Variants in ZMYND11 observed in about 807,000 individuals in gnomAD.
ZMYND11 encodes zinc finger MYND domain-containing protein 11.
A neutral mutation model predicts 84.9 loss-of-function variants in ZMYND11; 9 were observed. The ratio of observed to expected loss-of-function variants is 0.11; its 90% CI spans 0.06 to 0.18. ZMYND11 has a LOEUF of 0.18. Ranked by LOEUF, ZMYND11 falls within the 10% of genes least tolerant of loss-of-function variation. The pLI is 1.00. For missense variants in ZMYND11, 409 were observed against 761.0 expected (o/e 0.54, Z 5.44); for synonymous variants, 250 against 244.1 (o/e 1.02, Z -0.23).
chr10:164,399 A>G (rs922773856), intron 1 of ZMYND11, among the ~76,000 whole-genome samples: 4 of 152,088 alleles, frequency 2.6e-5, no homozygotes, highest in African/African-American at 9.7e-5. Context: ...CAACCTCAAA[A>G]TCTCAGTGGT....
chr10:131,882 A>G (rs1835318992), upstream of ZMYND11, among the ~76,000 whole-genome samples: 1 of 152,144 alleles, frequency 6.6e-6, no homozygotes, highest in African/African-American at 2.4e-5. Flanking sequence ...TGAGCCACAG[A>G]GGGTGGCAGC....
chr10:172,100 CTTTTA>C (rs1291587751), intron 1 of ZMYND11, among the ~76,000 whole-genome samples: 1 of 152,150 alleles, frequency 6.6e-6, no homozygotes, highest in African/African-American at 2.4e-5. Flanking sequence ...TCTGAAGCCT[CTTTTA>C]TAAGGGCATT....
intron 4 of ZMYND11, among the ~76,000 whole-genome samples, chr10:227,322 G>C (rs1376307746): frequency 1.3e-5 from 2 of 152,064 alleles, no homozygotes; most frequent in Non-Finnish European, 2.9e-5. Flanking sequence ...ATGTTTTGCA[G>C]GAAAGTTAAG....
rs1298014886 is a variant in ZMYND11 at position 185,827 on chromosome 10, A to AAAC, written c.116+5700_116+5701insACA. 3.1e-3 allele frequency among the ~76,000 whole-genome samples: 475 copies of AAAC among 150,818 alleles called. 27 individuals carry two copies. The East Asian group carries it at 0.076, about 24-fold the overall frequency. ...AAACTCCGTCTCAAAAAAACAAAAA[A>AAAC]ACAAAAAAACAAAAAAAAAGACGGT... On this transcript the variant is annotated intron_variant, in intron 2 of 14. Transcript: ENST00000381604.
intron 1 of ZMYND11, among the ~76,000 whole-genome samples, chr10:171,363 C>G (rs1845277091): frequency 6.6e-6 from 1 of 152,074 alleles, no homozygotes; most frequent in Admixed American, 6.6e-5. Context: ...AATAGCAGAT[C>G]ACACGTTCTT....
chr10:247,339 T>G, intron 11 of ZMYND11, 59 bp from the exon 12 acceptor site: 1 of 1,581,700 alleles, frequency 6.3e-7, no homozygotes. Flanking sequence ...ATGAGTGTTT[T>G]CAGCAGAGAA....
chr10:235,542 G>A (rs118088467), intron 4 of ZMYND11, among the ~76,000 whole-genome samples: 3,049 of 152,288 alleles, frequency 0.02, 48 homozygotes, highest in Non-Finnish European at 0.033. Flanking sequence ...AAATGAACAA[G>A]CAAATACGAA....
upstream of ZMYND11, among the ~76,000 whole-genome samples, chr10:133,639 C>T (rs1835387599): frequency 6.6e-6 from 1 of 152,162 alleles, no homozygotes; most frequent in African/African-American, 2.4e-5. Context: ...ACCATGCAGT[C>T]CTCTATTTTA....
chr10:219,348 T>G (rs1946733960), intron 3 of ZMYND11, among the ~76,000 whole-genome samples: 1 of 152,188 alleles, frequency 6.6e-6, no homozygotes, highest in Admixed American at 6.5e-5. Flanking sequence ...AAAATTCAAG[T>G]GATGAATGAT....
chr10:159,490 G>A (rs543862226), intron 1 of ZMYND11, among the ~76,000 whole-genome samples: 1 of 152,190 alleles, frequency 6.6e-6, no homozygotes, highest in South Asian at 2.1e-4. Context: ...CTCTAATGAT[G>A]AGATAAATTA....
intron 1 of ZMYND11, among the ~76,000 whole-genome samples, chr10:149,124 G>GA (rs1490609861): frequency 2.0e-5 from 3 of 151,816 alleles, no homozygotes; most frequent in Non-Finnish European, 4.4e-5. Context: ...AATTGACTTT[G>GA]AAAAATACGA....
intron 10 of ZMYND11, among the ~76,000 whole-genome samples, chr10:245,658 C>T (rs1308732568): frequency 2.0e-5 from 3 of 152,212 alleles, no homozygotes; most frequent in African/African-American, 7.2e-5. Flanking sequence ...CTCACATTGT[C>T]TGCTGTCTAA....
intron 1 of ZMYND11, among the ~76,000 whole-genome samples, chr10:145,759 T>A: frequency 6.6e-6 from 1 of 152,276 alleles, no homozygotes; most frequent in East Asian, 1.9e-4. Context: ...TCTTGCTGAT[T>A]TGAGTTCCCT....
At chr10:212,915 A>C (rs1359014230) in intron 3 of ZMYND11, among the ~76,000 whole-genome samples, 1 of 152,162 alleles carries the variant, frequency 6.6e-6, no homozygotes, top group Admixed American at 6.5e-5. Context: ...GTAACTCTAA[A>C]ATAATGAGAC....
In ZMYND11 at chr10:152,141, G is replaced by A. The variant is rs184676172; in HGVS notation, c.-20+16582G>A. Among the ~76,000 whole-genome samples the A allele has an allele frequency of 3.0e-3, 456 of 152,306 alleles. No homozygotes were observed. The Middle Eastern group carries it at 0.031, about 10-fold the overall frequency. ...AAATTGTAAAGACCATCAATGCTAG[G>A]AAGAAACTGCATTAACTAATAAGCA... On this transcript the variant is annotated intron_variant, in intron 1 of 14. Transcript: ENST00000381604.
At chr10:187,700 A>G (rs1939124002) in intron 2 of ZMYND11, among the ~76,000 whole-genome samples, 3 of 152,144 alleles carry the variant, frequency 2.0e-5, no homozygotes, top group Admixed American at 2.0e-4. Context: ...TGGCATGGAA[A>G]ATATTAAAAG....
At chr10:188,712 T>C (rs573056304) in intron 2 of ZMYND11, among the ~76,000 whole-genome samples, 404 of 152,368 alleles carry the variant, frequency 2.7e-3, no homozygotes, top group Non-Finnish European at 4.5e-3. Flanking sequence ...CTTCCTTTTC[T>C]TCTTTAATCC....
intron 4 of ZMYND11, among the ~76,000 whole-genome samples, chr10:236,260 A>AAGTT (rs1949944129): frequency 6.6e-6 from 1 of 152,310 alleles, no homozygotes; most frequent in South Asian, 2.1e-4. Context: ...TCTTCATGTG[A>AAGTT]AGTTAGACTT....
Position 184,657 on chromosome 10 carries a change from G to A in ZMYND11, c.116+4529G>A, listed in dbSNP as rs888495214. 3.9e-5 allele frequency among the ~76,000 whole-genome samples: 6 copies of A among 151,966 alleles called. No homozygotes were observed. In the East Asian group the frequency reaches 9.6e-4, roughly 24 times the overall value. ...ATTCTAGCTTCCTTCTGTTTTGTCG[G>A]CTTGTCTTTCTGGCACATTTCTGAC... On this transcript the variant is annotated intron_variant, in intron 2 of 14. Transcript: ENST00000381604.
Sources: allele counts gnomAD v4.1 joint callset (sites outside exome capture counted in the v4.1 genomes callset), GRCh38; gene constraint gnomAD v4.1.1; transcripts MANE v1.5; gene names NCBI Gene and HGNC (gene_info 2026-07-23, HGNC 2026-07-21).